The following ARMH3 variants were observed in gnomAD, a reference collection of about 807,000 sequenced individuals.
ARMH3 encodes armadillo like helical domain containing 3.
Under a neutral mutation model 99.1 loss-of-function variants are expected in ARMH3, and 60 were observed. The ratio of observed to expected loss-of-function variants is 0.61; its 90% CI spans 0.49 to 0.75. The LOEUF (loss-of-function observed/expected upper bound fraction) is 0.75, where lower values mean the gene tolerates loss of function less well. Among genes scored for constraint, ARMH3 ranks in the 30% least tolerant of loss-of-function variants. The probability of loss-of-function intolerance (pLI) is 0.00; values close to 1 mark genes in which losing one functional copy is unlikely to be tolerated. For missense variants in ARMH3, 679 were observed against 843.1 expected (o/e 0.81, Z 2.41); for synonymous variants, 285 against 292.8 (o/e 0.97, Z 0.27).
chr10:101,993,711 C>T (rs1414776717), intron 16 of ARMH3, 108 bp from the exon 17 acceptor site: 4 of 682,924 alleles, frequency 5.9e-6, no homozygotes, highest in Admixed American at 3.1e-5. Context: ...TTTCAAGGAT[C>T]AGCTGGACAG....
intron 16 of ARMH3, among the ~76,000 whole-genome samples, chr10:101,993,925 A>G (rs545906777): frequency 6.6e-6 from 1 of 152,336 alleles, no homozygotes; most frequent in African/African-American, 2.4e-5. Context: ...CATCTGCCCA[A>G]GGAGCTGGCT....
At chr10:102,002,213 C>T in intron 14 of ARMH3, 141 bp from the exon 15 acceptor site, 1 of 1,290,452 alleles carries the variant, frequency 7.7e-7, no homozygotes, top group South Asian at 1.5e-5. Context: ...GTGCTCATCA[C>T]AAAACTTTTA....
At chr10:101,966,031 T>C (rs1468407272) in intron 20 of ARMH3, among the ~76,000 whole-genome samples, 1 of 152,082 alleles carries the variant, frequency 6.6e-6, no homozygotes, top group African/African-American at 2.4e-5. Context: ...GGCACTCTGA[T>C]GGTTCCCTAA....
chr10:101,864,074 A>ACAC (rs563347789), intron 24 of ARMH3, among the ~76,000 whole-genome samples: 3,226 of 128,322 alleles, frequency 0.025, 43 homozygotes, highest in East Asian at 0.11. Flanking sequence ...AAAAAAAAAA[A>ACAC]AAAAACACAC....
intron 23 of ARMH3, among the ~76,000 whole-genome samples, chr10:101,928,611 A>G (rs547812259): frequency 6.6e-6 from 1 of 152,136 alleles, no homozygotes; most frequent in South Asian, 2.1e-4. Context: ...TGAGGCCGCA[A>G]TGAGCTATGA....
chr10:102,010,604 G>A (rs1296913846), intron 11 of ARMH3, among the ~76,000 whole-genome samples: 1 of 152,174 alleles, frequency 6.6e-6, no homozygotes, highest in East Asian at 1.9e-4. Context: ...TGCCTCTAAT[G>A]TGTATGATAT....
chr10:101,982,218 C>CAA lies in ARMH3; in HGVS notation c.1407-6920_1407-6919dup, dbSNP rs559411942. Among the ~76,000 whole-genome samples the CAA allele has an allele frequency of 9.7e-3, 1,361 of 140,518 alleles. 16 individuals carry two copies. Among genetic ancestry groups the CAA allele is most frequent in the African/African-American group, 0.034 (1,291 of 38,162 alleles). 92.2% of individuals were successfully genotyped at this position (140,518 alleles called of 152,430 possible). ...CAACATGGTGAAATGCCATCTCTAC[C>CAA]AAAAAAAAAACACAAAAATTGGCCA... On this transcript the variant is annotated intron_variant, in intron 19 of 25. Transcript: ENST00000370033.
intron 20 of ARMH3, among the ~76,000 whole-genome samples, chr10:101,968,229 C>G (rs976292240): frequency 1.3e-5 from 2 of 152,056 alleles, no homozygotes; most frequent in African/African-American, 2.4e-5. Flanking sequence ...CAAGCATGCT[C>G]AGGAGCCACT....
chr10:101,926,125 T>G (rs566237946), intron 23 of ARMH3, among the ~76,000 whole-genome samples: 1 of 152,230 alleles, frequency 6.6e-6, no homozygotes, highest in African/African-American at 2.4e-5. Flanking sequence ...CAAGGCCCAA[T>G]AGAAAAGACG....
intron 1 of ARMH3, among the ~76,000 whole-genome samples, chr10:102,049,690 G>A (rs2067648530): frequency 1.3e-5 from 2 of 151,524 alleles, no homozygotes; most frequent in Middle Eastern, 3.4e-3. Flanking sequence ...TGGGTAGCTG[G>A]GACTACAGGC....
chr10:101,951,283 A>T (rs1267402107), intron 22 of ARMH3, among the ~76,000 whole-genome samples: 1 of 152,194 alleles, frequency 6.6e-6, no homozygotes, highest in Non-Finnish European at 1.5e-5. Context: ...ATTAAAACTT[A>T]TACTGGCTGG....
intron 24 of ARMH3, among the ~76,000 whole-genome samples, chr10:101,881,771 G>C (rs1237656256): frequency 2.0e-5 from 3 of 152,148 alleles, no homozygotes; most frequent in Non-Finnish European, 2.9e-5. Flanking sequence ...TGGGTGTTCT[G>C]TGACCCAAAG....
At chr10:101,995,137 A>G (rs1425683205) in intron 16 of ARMH3, among the ~76,000 whole-genome samples, 160 bp downstream of exon 16, 6 of 152,252 alleles carry the variant, frequency 3.9e-5, no homozygotes, top group African/African-American at 1.4e-4. Flanking sequence ...ATCGAAGACT[A>G]CACTCTAGTG....
chr10:101,861,964 G>C (rs988334572), intron 24 of ARMH3, among the ~76,000 whole-genome samples: 1 of 147,406 alleles, frequency 6.8e-6, no homozygotes, highest in Non-Finnish European at 1.5e-5. Context: ...CAGGAGAATG[G>C]TGTGAACCTG....
At chr10:101,903,698 C>A (rs2068033369) in intron 23 of ARMH3, among the ~76,000 whole-genome samples, 1 of 152,222 alleles carries the variant, frequency 6.6e-6, no homozygotes, top group Non-Finnish European at 1.5e-5. Flanking sequence ...AAATTAGGTT[C>A]ATGCCTTCAA....
chr10:101,870,655 A>G (rs902085345), intron 24 of ARMH3, among the ~76,000 whole-genome samples: 1 of 152,238 alleles, frequency 6.6e-6, no homozygotes, highest in African/African-American at 2.4e-5. Context: ...GCTACTAAAC[A>G]TTAAGCAAGA....
chr10:101,927,781 G>T lies in ARMH3; in HGVS notation c.1781+12082C>A, dbSNP rs536900667. Among the ~76,000 whole-genome samples the T allele has an allele frequency of 6.4e-4, 97 of 152,176 alleles. 2 individuals are homozygous for T. The highest frequency in any genetic ancestry group is 7.5e-4 in the Non-Finnish European group (51 of 67,980). ...GATCCTGTCACTACAAAAAGAAAAAGAAAAAGAAGAGCTGGATGCAGTGGC... is the reference window on the plus strand; with the variant it reads ...GATCCTGTCACTACAAAAAGAAAAATAAAAAGAAGAGCTGGATGCAGTGGC... On this transcript the variant is annotated intron_variant, in intron 23 of 25. Transcript: ENST00000370033.
chr10:102,035,410 GGTCTCCCTCTCCCTCTCTTTCCACA>G (rs1264389459), intron 2 of ARMH3, among the ~76,000 whole-genome samples: 23 of 152,106 alleles, frequency 1.5e-4, no homozygotes, highest in East Asian at 1.9e-4. Flanking sequence ...CTCTCCCCAC[GGTCTCCCTCTCCCTCTCTTTCCACA>G]GTCTCCCTCT....
intron 20 of ARMH3, among the ~76,000 whole-genome samples, chr10:101,972,383 CAT>C (rs1360478263): frequency 6.6e-6 from 1 of 152,204 alleles, no homozygotes; most frequent in Non-Finnish European, 1.5e-5. Flanking sequence ...TCTAATAACA[CAT>C]GCCTTACCAG....
Sources: gnomAD v4.1 joint callset for allele counts (sites outside exome capture counted in the v4.1 genomes callset) on GRCh38, gnomAD v4.1.1 for gene constraint, MANE v1.5 for transcripts, NCBI Gene and HGNC (gene_info 2026-07-23, HGNC 2026-07-21) for gene names.